ADGRL2: variants seen among roughly 807,000 people sequenced by gnomAD.
ADGRL2 encodes the protein adhesion G protein-coupled receptor L2.
In ADGRL2, 44 loss-of-function variants were observed where a neutral mutation model predicts 157.4. The ratio of observed to expected loss-of-function variants is 0.28; its 90% CI spans 0.22 to 0.36. ADGRL2 has a LOEUF of 0.36. Among genes scored for constraint, ADGRL2 ranks in the 10% least tolerant of loss-of-function variants. The pLI, the probability that ADGRL2 is intolerant of heterozygous loss-of-function variation, is 1.00. For synonymous variants in ADGRL2, 585 were observed against 624.7 expected (o/e 0.94, Z 0.95); for missense variants, 1,510 against 1,768.9 (o/e 0.85, Z 2.63).
At chr1:81,538,859 T>A (rs543143085) in intron 2 of ADGRL2, among the ~76,000 whole-genome samples, 1 of 151,910 alleles carries the variant, frequency 6.6e-6, no homozygotes, top group Non-Finnish European at 1.5e-5. Context: ...ACAAAAAAAA[T>A]TAGCCAGGCA....
chr1:81,420,578 C>T (rs919230872), intron 1 of ADGRL2, among the ~76,000 whole-genome samples: 1 of 152,156 alleles, frequency 6.6e-6, no homozygotes, highest in Admixed American at 6.5e-5. Flanking sequence ...GAGTAAAGAG[C>T]ATTGTTTTGT....
intron 2 of ADGRL2, among the ~76,000 whole-genome samples, chr1:81,898,911 T>C (rs1274510117): frequency 6.6e-6 from 1 of 152,152 alleles, no homozygotes; most frequent in Non-Finnish European, 1.5e-5. Context: ...AGAGATTTCA[T>C]ATGCCAGCAC....
chr1:81,927,259 G>T (rs1390662618), intron 3 of ADGRL2, among the ~76,000 whole-genome samples: 2 of 151,834 alleles, frequency 1.3e-5, no homozygotes, highest in Non-Finnish European at 2.9e-5. Flanking sequence ...GGGGAGTGAG[G>T]ACTTTCTGTT....
At chr1:81,941,491 A>G (rs1647987784) in intron 4 of ADGRL2, among the ~76,000 whole-genome samples, 1 of 151,750 alleles carries the variant, frequency 6.6e-6, no homozygotes, top group Admixed American at 6.6e-5. Flanking sequence ...ATCTATGAAA[A>G]ACATGTAACC....
intron 1 of ADGRL2, among the ~76,000 whole-genome samples, chr1:81,344,666 CAAAA>C (rs71592731): frequency 3.6e-5 from 2 of 56,024 alleles, no homozygotes; most frequent in Middle Eastern, 0.01. Flanking sequence ...AACTCTGTCT[CAAAA>C]AAAAAAAAAA....
chr1:81,344,896 C>A (rs951190616), intron 1 of ADGRL2, among the ~76,000 whole-genome samples: 7 of 152,004 alleles, frequency 4.6e-5, no homozygotes, highest in African/African-American at 1.7e-4. Context: ...AAAATATTAA[C>A]CAGCATTTTC....
At chr1:81,721,697 AC>A (rs1250003439) in intron 1 of ADGRL2, 2 of 1,330,836 alleles carry the variant, frequency 1.5e-6, no homozygotes, top group Admixed American at 1.7e-5. Flanking sequence ...CTGACCATGG[AC>A]CCCCCGCAAA....
intron 1 of ADGRL2, among the ~76,000 whole-genome samples, chr1:81,813,332 C>T (rs78782614): frequency 6.6e-6 from 1 of 151,706 alleles, no homozygotes; most frequent in Non-Finnish European, 1.5e-5. Flanking sequence ...ATTTATTTTG[C>T]ATTTTAAAAA....
intron 1 of ADGRL2, among the ~76,000 whole-genome samples, chr1:81,319,100 C>T (rs1660317327): frequency 6.6e-6 from 1 of 151,496 alleles, no homozygotes; most frequent in Non-Finnish European, 1.5e-5. Context: ...CACCACCACC[C>T]CGGCTAATTT....
intron 2 of ADGRL2, among the ~76,000 whole-genome samples, chr1:81,479,375 C>T (rs936053532): frequency 4.5e-4 from 69 of 151,650 alleles, no homozygotes; most frequent in African/African-American, 1.5e-3. Context: ...CCCAGCTGCT[C>T]GGGAGGCTGA....
chr1:81,384,799 C>T (rs1041991037), intron 1 of ADGRL2, among the ~76,000 whole-genome samples: 1 of 152,094 alleles, frequency 6.6e-6, no homozygotes, highest in Non-Finnish European at 1.5e-5. Flanking sequence ...AAGGCCATTT[C>T]ATTATGTAGC....
chr1:81,352,068 CACAG>C (rs1408761635), intron 1 of ADGRL2, among the ~76,000 whole-genome samples: 2 of 152,202 alleles, frequency 1.3e-5, no homozygotes, highest in East Asian at 3.9e-4. Flanking sequence ...CAATAGGTTG[CACAG>C]ACAAAGGAGT....
chr1:81,521,636 A>T (rs1230372684), intron 2 of ADGRL2, among the ~76,000 whole-genome samples: 1 of 152,176 alleles, frequency 6.6e-6, no homozygotes, highest in Non-Finnish European at 1.5e-5. Context: ...GTAGAAGAAA[A>T]ATGATAAATA....
Position 81,981,938 on chromosome 1 carries a change from G to C in ADGRL2, c.3244G>C (p.Val1082Leu). The C allele has an allele frequency of 6.2e-7, 1 of 1,612,150 alleles. No homozygotes were observed. Among genetic ancestry groups the C allele is most frequent in the Non-Finnish European group, 8.5e-7 (1 of 1,178,844 alleles). ...LFTIFNAFQG[V>L]FIFIFHCALQ... is the part of the protein sequence containing the mutation. ...CACTATATTTAATGCTTTCCAGGGA[G>C]TGTTCATTTTCATCTTTCACTGTGC... is the stretch of plus-strand genomic sequence containing the variant. Residue 1082 changes from valine (V) to leucine (L), a missense_variant, in exon 19 of 24, where the codon GTG becomes CTG. Val to Leu is a conservative substitution (Grantham distance 32). Transcript: ENST00000686636.
intron 1 of ADGRL2, among the ~76,000 whole-genome samples, chr1:81,822,398 A>G: frequency 6.6e-6 from 1 of 151,700 alleles, no homozygotes; most frequent in Admixed American, 6.5e-5. Context: ...TTTGATTTAT[A>G]ATTTAATTTT....
At chr1:81,364,874 G>A (rs1296574634) in intron 1 of ADGRL2, among the ~76,000 whole-genome samples, 1 of 152,010 alleles carries the variant, frequency 6.6e-6, no homozygotes, top group Non-Finnish European at 1.5e-5. Flanking sequence ...ATGTTGGCCA[G>A]GCTGGTCTTG....
chr1:81,735,539 C>T (rs145743383), intron 1 of ADGRL2, among the ~76,000 whole-genome samples: 1 of 152,130 alleles, frequency 6.6e-6, no homozygotes, highest in Non-Finnish European at 1.5e-5. Flanking sequence ...CCTGTAATCC[C>T]AGCACTTTGG....
chr1:81,847,889 C>G (rs2092852785), intron 2 of ADGRL2, among the ~76,000 whole-genome samples: 1 of 149,686 alleles, frequency 6.7e-6, no homozygotes, highest in South Asian at 2.1e-4. Flanking sequence ...TCAAAGTCAA[C>G]ATATTTAATC....
chr1:81,447,381 T>C (rs2077617626), intron 2 of ADGRL2, among the ~76,000 whole-genome samples: 1 of 152,212 alleles, frequency 6.6e-6, no homozygotes, highest in Admixed American at 6.5e-5. Flanking sequence ...CAGGATTGTT[T>C]TATGTGAAAA....
Sources: gnomAD v4.1 joint callset for allele counts (sites outside exome capture counted in the v4.1 genomes callset) on GRCh38, gnomAD v4.1.1 for gene constraint, MANE v1.5 for transcripts, NCBI Gene and HGNC (gene_info 2026-07-23, HGNC 2026-07-21) for gene names.